GPC5: variants seen among roughly 807,000 people sequenced by gnomAD.
GPC5 encodes glypican 5.
A neutral mutation model predicts 53.9 loss-of-function variants in GPC5; 47 were observed. The ratio of observed to expected loss-of-function variants is 0.87; its 90% CI spans 0.69 to 1.11. The LOEUF is 1.11. Ranked by LOEUF, GPC5 falls within the 50% of genes most tolerant of loss-of-function variation. The pLI, the probability that GPC5 is intolerant of heterozygous loss-of-function variation, is 0.00. For synonymous variants in GPC5, 286 were observed against 263.3 expected, an observed-to-expected ratio of 1.09 and a Z score of -0.84; for missense variants, 748 against 713.1, an observed-to-expected ratio of 1.05 and a Z score of -0.56.
At chr13:91,551,518 G>A (rs936137958) in intron 2 of GPC5, among the ~76,000 whole-genome samples, 5 of 152,066 alleles carry the variant, frequency 3.3e-5, no homozygotes, top group Admixed American at 1.3e-4. Context: ...TTGGAATAGC[G>A]AATTCCATGG....
At chr13:92,402,370 G>C (rs987816651) in intron 7 of GPC5, among the ~76,000 whole-genome samples, 1 of 152,046 alleles carries the variant, frequency 6.6e-6, no homozygotes, top group Non-Finnish European at 1.5e-5. Flanking sequence ...TTTCCACAAA[G>C]CAATCAATAT....
intron 3 of GPC5, among the ~76,000 whole-genome samples, chr13:91,697,955 G>A (rs1047921759): frequency 1.4e-5 from 2 of 147,822 alleles, no homozygotes; most frequent in Non-Finnish European, 3.0e-5. Context: ...AGGCTGTAGT[G>A]CAATGGCGCG....
In GPC5 at chr13:91,609,362, A is replaced by G. The variant is rs537601619; in HGVS notation, c.326-83825A>G. On this transcript the variant is annotated intron_variant, in intron 2 of 7. Transcript: ENST00000377067. ...AACAAATGGGATAGAACTGTGAAAT[A>G]GCCAAAAACAATACAAGAGGCTGAG... is the stretch of plus-strand genomic sequence containing the variant. Among the ~76,000 whole-genome samples the G allele has an allele frequency of 6.9e-4, 105 of 152,256 alleles. 1 individual carries two copies. The highest frequency in any genetic ancestry group is 2.4e-3 in the African/African-American group (101 of 41,572).
intron 7 of GPC5, among the ~76,000 whole-genome samples, chr13:92,288,264 A>G (rs12875421): frequency 0.085 from 12,979 of 152,108 alleles, 608 homozygotes; most frequent in Middle Eastern, 0.12. Flanking sequence ...ATCCTCAGAG[A>G]TGTTTCCTCT....
intron 2 of GPC5, among the ~76,000 whole-genome samples, chr13:91,465,856 C>G (rs1015204762): frequency 6.6e-6 from 1 of 152,112 alleles, no homozygotes; most frequent in African/African-American, 2.4e-5. Flanking sequence ...CAATTCCAGT[C>G]CATTCTAGTA....
At chr13:91,795,775 C>A (rs2038037007) in intron 5 of GPC5, among the ~76,000 whole-genome samples, 1 of 152,150 alleles carries the variant, frequency 6.6e-6, no homozygotes. Flanking sequence ...TTGGCTGCAA[C>A]CCATTCCATG....
At chr13:92,088,815 G>T (rs1386451863) in intron 6 of GPC5, among the ~76,000 whole-genome samples, 1 of 152,024 alleles carries the variant, frequency 6.6e-6, no homozygotes, top group Non-Finnish European at 1.5e-5. Flanking sequence ...TGGTCTTCAG[G>T]CTTCAAAGTG....
intron 6 of GPC5, among the ~76,000 whole-genome samples, chr13:92,077,454 G>C (rs961460968): frequency 1.3e-5 from 2 of 152,106 alleles, no homozygotes; most frequent in Non-Finnish European, 2.9e-5. Context: ...TCCTAACAGG[G>C]GATGCTTTGG....
chr13:92,546,081 G>T (rs564640560), intron 7 of GPC5, among the ~76,000 whole-genome samples: 2 of 152,074 alleles, frequency 1.3e-5, no homozygotes, highest in Non-Finnish European at 2.9e-5. Context: ...CAAACTGGAA[G>T]CATTCCCTTG....
intron 7 of GPC5, among the ~76,000 whole-genome samples, chr13:92,356,911 G>A (rs1370108983): frequency 1.3e-5 from 2 of 152,106 alleles, no homozygotes; most frequent in Non-Finnish European, 2.9e-5. Flanking sequence ...CCCATGGTCT[G>A]TTATGTCCAT....
chr13:91,595,472 T>G (rs2032960488), intron 2 of GPC5, among the ~76,000 whole-genome samples: 2 of 152,220 alleles, frequency 1.3e-5, no homozygotes, highest in South Asian at 4.1e-4. Context: ...CTTTTGTTCT[T>G]TAACTTGTGA....
chr13:91,708,950 A>G (rs960621358), intron 3 of GPC5, among the ~76,000 whole-genome samples: 1 of 152,214 alleles, frequency 6.6e-6, no homozygotes, highest in African/African-American at 2.4e-5. Flanking sequence ...AAGTTCTCAT[A>G]TATCAAAGGT....
At chr13:91,548,273 G>T (rs1180546682) in intron 2 of GPC5, among the ~76,000 whole-genome samples, 2 of 152,126 alleles carry the variant, frequency 1.3e-5, no homozygotes, top group African/African-American at 4.8e-5. Context: ...CAAGGATGTA[G>T]GACGCAAGGT....
chr13:92,825,448 A>G (rs1224432657), intron 7 of GPC5, among the ~76,000 whole-genome samples: 1 of 152,124 alleles, frequency 6.6e-6, no homozygotes, highest in Non-Finnish European at 1.5e-5. Context: ...TTATTAATTC[A>G]ATTCCCATTA....
chr13:91,482,357 T>G (rs1208349117), intron 2 of GPC5, among the ~76,000 whole-genome samples: 1 of 152,164 alleles, frequency 6.6e-6, no homozygotes, highest in Non-Finnish European at 1.5e-5. Context: ...ACCAGTGCCT[T>G]GATCATGGAC....
chr13:91,611,042 C>A (rs1395377530), intron 2 of GPC5, among the ~76,000 whole-genome samples: 2 of 152,126 alleles, frequency 1.3e-5, no homozygotes, highest in African/African-American at 4.8e-5. Context: ...GCCAGGGAGT[C>A]TGGATCCCAC....
chr13:91,882,335 TAC>T, intron 5 of GPC5, among the ~76,000 whole-genome samples: 1 of 152,242 alleles, frequency 6.6e-6, no homozygotes, highest in Non-Finnish European at 1.5e-5. Context: ...GAAAATCTTA[TAC>T]ATTATAATGC....
intron 7 of GPC5, among the ~76,000 whole-genome samples, chr13:92,613,364 T>TTTATATATAAATATATTATA (rs1299636699): frequency 3.4e-5 from 3 of 89,188 alleles, no homozygotes; most frequent in African/African-American, 4.4e-5. Context: ...ATATAATATA[T>TTTATATATAAATATATTATA]TTATATATAA....
chr13:91,994,022 T>A (rs1385227752), intron 6 of GPC5, among the ~76,000 whole-genome samples: 1 of 152,192 alleles, frequency 6.6e-6, no homozygotes, highest in African/African-American at 2.4e-5. Context: ...CAGTATGTTT[T>A]TTACACAGAA....
Sources: allele counts gnomAD v4.1 joint callset (sites outside exome capture counted in the v4.1 genomes callset), GRCh38; gene constraint gnomAD v4.1.1; transcripts MANE v1.5; gene names NCBI Gene and HGNC (gene_info 2026-07-23, HGNC 2026-07-21).